LOXHD1: variants seen among roughly 807,000 people sequenced by gnomAD.
LOXHD1 encodes lipoxygenase homology PLAT domains 1.
A neutral mutation model predicts 248.2 loss-of-function variants in LOXHD1; 205 were observed. The observed-to-expected ratio is 0.83, with a 90% CI of 0.74 to 0.93. The LOEUF is 0.93. LOXHD1 is among the 40% of genes least tolerant of loss of function. LOXHD1 has a pLI of 0.00. For missense variants in LOXHD1, 2,930 were observed against 2,971.6 expected (o/e 0.99, Z 0.33); for synonymous variants, 1,113 against 1,162.8 (o/e 0.96, Z 0.87).
At chr18:46,589,689 A>G (rs1002172148) in intron 12 of LOXHD1, among the ~76,000 whole-genome samples, 2 of 152,148 alleles carry the variant, frequency 1.3e-5, no homozygotes, top group African/African-American at 4.8e-5. Context: ...GTACTTTAGG[A>G]GATGTTGTCT....
rs561064266 is a variant in LOXHD1 at position 46,593,728 on chromosome 18, C to A, written c.1303G>T (p.Asp435Tyr). 31 of 1,551,872 alleles carry A rather than the reference C, an allele frequency of 2.0e-5. No individual in the cohort carries two copies. Among genetic ancestry groups the A allele is most frequent in the Non-Finnish European group, 2.5e-5 (29 of 1,147,084 alleles). Residue 435 changes from aspartate (D) to tyrosine (Y), a missense_variant, in exon 10 of 41, where the codon GAC becomes TAC. By Grantham distance (160) the Asp-to-Tyr change is radical. Coordinates refer to ENST00000642948, the MANE Select transcript of LOXHD1 (RefSeq NM_001384474.1). Reference protein sequence around the residue: ...FPWSLWVWTTDLKKAGTNSPI... With the variant: ...FPWSLWVWTTYLKKAGTNSPI... ...GAGTTGGTACCAGCTTTCTTTAGGTCGGTTGTCCAGACCCACAGGGACCAA... is the reference window on the plus strand; with the variant it reads ...GAGTTGGTACCAGCTTTCTTTAGGTAGGTTGTCCAGACCCACAGGGACCAA...
At chr18:46,557,967 C>T in intron 20 of LOXHD1, 2 of 1,032,948 alleles carry the variant, frequency 1.9e-6, no homozygotes, top group African/African-American at 1.7e-5. Flanking sequence ...ATTTGCCCAC[C>T]ATTTAGGTGT....
rs1198958401 is a variant in LOXHD1, at chr18:46,649,160, G to T, written c.240C>A (p.Thr80=). ...AAGGCCAAGTGGGTACTCACTTGCT[G>T]GTGAGCTGGAGCTTGGGAGAGAGCC... is the stretch of plus-strand genomic sequence containing the variant. ...ENGLSPKLQL[T]SKSKSAFEKG... Residue 80 remains threonine, a synonymous_variant, in exon 2 of 41, where the codon ACC becomes ACA. Transcript: ENST00000642948. The T allele has an allele frequency of 3.9e-6, 6 of 1,551,570 alleles. No individual in the cohort carries two copies. The highest frequency in any genetic ancestry group is 5.2e-6 in the Non-Finnish European group (6 of 1,146,844).
intron 8 of LOXHD1, 137 bp from the exon 9 acceptor site, chr18:46,594,603 C>T: frequency 9.7e-7 from 1 of 1,029,784 alleles, no homozygotes; most frequent in Non-Finnish European, 1.4e-6. Flanking sequence ...TTTCTGTTGC[C>T]TATCTCATTA....
chr18:46,557,335 G>A, intron 21 of LOXHD1, 21 bp downstream of exon 21: 1 of 1,551,358 alleles, frequency 6.4e-7, no homozygotes, highest in Non-Finnish European at 8.7e-7. Context: ...ACCCCTCCCT[G>A]CCCACTGCCC....
At position 46,489,035 on chromosome 18, in the gene LOXHD1, C is replaced by T. The variant is rs1157839017; in HGVS notation, c.5986G>A (p.Gly1996Arg). Residue 1996 changes from glycine to arginine, a missense_variant, in exon 38 of 41, where the codon GGG becomes AGG. Transcript: ENST00000642948. ...CAGGCAAAGTCGCGGACCGTCTGCCCGTCACCCTCACTCTTGGAGAGCCAG... is the reference window on the plus strand; with the variant it reads ...CAGGCAAAGTCGCGGACCGTCTGCCTGTCACCCTCACTCTTGGAGAGCCAG... ...DCWLSKSEGD[G>R]QTVRDFACAN... The T allele has an allele frequency of 3.3e-5, 51 of 1,551,662 alleles. No individual in the cohort carries two copies. The highest frequency in any genetic ancestry group is 1.7e-4 in the Middle Eastern group (1 of 5,992).
In LOXHD1 at chr18:46,557,328, C is replaced by A. The variant is rs143997702; in HGVS notation, c.3350+28G>T. ...ACATGGCCTCCCTCAGAGCAACACC[C>A]CTCCCTGCCCACTGCCCCCACACTC... On this transcript the variant is annotated intron_variant, in intron 21 of 40. Transcript: ENST00000642948. 366 of 1,552,248 alleles carry A rather than the reference C, an allele frequency of 2.4e-4. 1 individual carries two copies. The African/African-American group carries it at 4.3e-3, about 18-fold the overall frequency.
chr18:46,651,513 AGAGAAGACATAGACACCG>A (rs547636810), intron 1 of LOXHD1, among the ~76,000 whole-genome samples: 1 of 152,220 alleles, frequency 6.6e-6, no homozygotes, highest in South Asian at 2.1e-4. Context: ...ACACCACATG[AGAGAAGACATAGACACCG>A]GAGAATGCTT....
intron 6 of LOXHD1, among the ~76,000 whole-genome samples, chr18:46,604,877 A>G (rs573372838): frequency 6.6e-6 from 1 of 152,332 alleles, no homozygotes; most frequent in African/African-American, 2.4e-5. Context: ...TCGCTCTAGG[A>G]TAAGTAGAAT....
Position 46,563,072 on chromosome 18 carries a change from G to A in LOXHD1, c.2591C>T (p.Thr864Ile). Residue 864 changes from threonine (T) to isoleucine (I), a missense_variant, in exon 18 of 41, where the codon ACA becomes ATA. Thr to Ile is a moderately conservative substitution (Grantham distance 89). Coordinates refer to ENST00000642948, the MANE Select transcript of LOXHD1 (RefSeq NM_001384474.1). ...CTCCTCGACCCCACATACCTGGAAT[G>A]TGTCCTTGGACGCCCGTTCAAAAAC... ...SKVFERASKD[T>I]FQLEAADVGE... The A allele has an allele frequency of 3.2e-6, 5 of 1,541,418 alleles. No homozygotes were observed. Among genetic ancestry groups the A allele is most frequent in the Non-Finnish European group, 4.4e-6 (5 of 1,138,400 alleles).
intron 4 of LOXHD1, among the ~76,000 whole-genome samples, chr18:46,621,820 G>A (rs1407928671): frequency 6.6e-6 from 1 of 152,166 alleles, no homozygotes; most frequent in Non-Finnish European, 1.5e-5. Flanking sequence ...ATTCCCATGT[G>A]AGCCAAAAGG....
chr18:46,579,781 G>T lies in LOXHD1; in HGVS notation c.1658C>A (p.Ala553Asp). 1 of 1,551,204 alleles carries T rather than the reference G, an allele frequency of 6.4e-7. No homozygotes were observed. Among genetic ancestry groups the T allele is most frequent in the Non-Finnish European group, 8.7e-7 (1 of 1,146,548 alleles). Residue 553 changes from alanine to aspartate, a missense_variant, in exon 13 of 41, where the codon GCC becomes GAC. Ala to Asp is a moderately radical substitution (Grantham distance 126). Transcript: ENST00000642948. ...TGTGCACACAGTCACATGGTACCGGGCCACTGGCAGGCAGAGAGAGGGACA... is the reference window on the plus strand; with the variant it reads ...TGTGCACACAGTCACATGGTACCGGTCCACTGGCAGGCAGAGAGAGGGACA... ...GPTVRRIMGM[A>D]RYHVTVCTGE...
intron 37 of LOXHD1, among the ~76,000 whole-genome samples, chr18:46,492,156 TGACAGCAGGATAGTAGAGAGTA>T (rs924154711): frequency 4.6e-5 from 7 of 152,188 alleles, no homozygotes; most frequent in East Asian, 3.8e-4. Context: ...TTGCTGATGA[TGACAGCAGGATAGTAGAGAGTA>T]GACAGCAGGA....
At chr18:46,559,400 G>C in intron 20 of LOXHD1, 48 bp downstream of exon 20, 1 of 1,551,544 alleles carries the variant, frequency 6.4e-7, no homozygotes, top group Non-Finnish European at 8.7e-7. Flanking sequence ...ATCTCAGAGG[G>C]CACCAAACCC....
At chr18:46,512,542 A>G (rs1395461204) in intron 34 of LOXHD1, among the ~76,000 whole-genome samples, 1 of 152,124 alleles carries the variant, frequency 6.6e-6, no homozygotes, top group African/African-American at 2.4e-5. Flanking sequence ...CTCTTTCTCT[A>G]TTGCAATTCC....
At chr18:46,533,596 TG>T (rs2036172818) in intron 27 of LOXHD1, 1 of 423,086 alleles carries the variant, frequency 2.4e-6, no homozygotes, top group Non-Finnish European at 4.3e-6. Flanking sequence ...TCAGATTCAG[TG>T]GGTAAGAGGA....
At chr18:46,613,466 C>T (rs181430807) in intron 5 of LOXHD1, among the ~76,000 whole-genome samples, 64 of 152,028 alleles carry the variant, frequency 4.2e-4, no homozygotes, top group Admixed American at 3.3e-3. Context: ...TGTAAATTCT[C>T]CTGGATTTTG....
intron 6 of LOXHD1, among the ~76,000 whole-genome samples, chr18:46,606,124 C>T (rs1439249603): frequency 2.0e-5 from 3 of 152,018 alleles, no homozygotes; most frequent in African/African-American, 7.3e-5. Flanking sequence ...AAAAGGCAAT[C>T]AGATGAGATT....
At chr18:46,648,847 A>G (rs1224101447) in intron 2 of LOXHD1, among the ~76,000 whole-genome samples, 3 of 152,220 alleles carry the variant, frequency 2.0e-5, no homozygotes, top group African/African-American at 7.2e-5. Context: ...CCCCGAGTGC[A>G]GAGAGACTGG....
Sources: gnomAD v4.1 joint callset for allele counts (sites outside exome capture counted in the v4.1 genomes callset) on GRCh38, gnomAD v4.1.1 for gene constraint, MANE v1.5 for transcripts, NCBI Gene and HGNC (gene_info 2026-07-23, HGNC 2026-07-21) for gene names.